Variants in KHNYN observed in about 807,000 individuals in gnomAD.
The protein encoded by KHNYN is protein KHNYN.
Under a neutral mutation model 62.7 loss-of-function variants are expected in KHNYN, and 42 were observed. The ratio of observed to expected loss-of-function variants is 0.67; its 90% CI spans 0.52 to 0.87. The LOEUF (loss-of-function observed/expected upper bound fraction) is 0.87. KHNYN is among the 40% of genes least tolerant of loss of function. KHNYN has a pLI of 0.00. For missense variants in KHNYN, 829 were observed against 874.1 expected, an observed-to-expected ratio of 0.95 and a Z score of 0.65; for synonymous variants, 347 against 345.6, an observed-to-expected ratio of 1.00 and a Z score of -0.04.
chr14:24,426,894 G>A (rs563949385), upstream of KHNYN: 24 of 152,584 alleles, frequency 1.6e-4, no homozygotes, highest in African/African-American at 5.5e-4. Context: ...AACTCAGTGA[G>A]AGAGCTGGGA....
chr14:24,437,432 C>T lies in KHNYN; in HGVS notation c.*147C>T, dbSNP rs374009447. 107 of 906,778 alleles carry T rather than the reference C, an allele frequency of 1.2e-4. No homozygotes were observed. In the East Asian group the frequency reaches 1.6e-3, roughly 13 times the overall value. 56.2% of individuals were successfully genotyped at this position (906,778 alleles called of 1,614,324 possible). A position where few individuals can be genotyped will look rare whatever the true frequency, so the allele number is the denominator to read the frequency against. On this transcript the variant is annotated 3_prime_UTR_variant, in exon 8 of 8. Coordinates refer to ENST00000553935, the MANE Select transcript of KHNYN (RefSeq NM_015299.3). The surrounding 1 kb of genome is among the most constrained non-coding windows in gnomAD (Gnocchi z 5.5). ...TCAGGGAAGCCACTTTGGGACAGGTCCATAAAGTGAACTGATCTTACCGAG... is the reference window on the plus strand; with the variant it reads ...TCAGGGAAGCCACTTTGGGACAGGTTCATAAAGTGAACTGATCTTACCGAG...
Position 24,432,145 on chromosome 14 carries a change from G to A in KHNYN, c.884G>A (p.Gly295Glu). ...CTCAGGCCACAGTCAGTGGGTGGAG[G>A]GGCAAGGGAGTCAGCACCCCTGAAA... ...VALRPQSVGG[G>E]ARESAPLKGK... is the part of the protein sequence containing the mutation. Residue 295 changes from glycine to glutamate, a missense_variant, in exon 3 of 8, where the codon GGG becomes GAG. This residue lies in a region of KHNYN where 559 missense variants were observed against 527.0 expected (regional missense o/e 1.06). Transcript: ENST00000553935. This position sits in a 1 kb window ranked among gnomAD's most constrained non-coding sequence, Gnocchi z 5.6. 5.8e-6 allele frequency: 9 copies of A among 1,554,350 alleles called. No individual in the cohort carries two copies. The highest frequency in any genetic ancestry group is 7.8e-6 in the Non-Finnish European group (9 of 1,149,106).
Position 24,432,806 on chromosome 14 carries a change from T to C in KHNYN, c.1434T>C (p.Thr478=), listed in dbSNP as rs1045093484. Residue 478 remains threonine, a synonymous_variant, in exon 4 of 8, where the codon ACT becomes ACC. Transcript: ENST00000553935. The surrounding 1 kb of genome is among the most constrained non-coding windows in gnomAD (Gnocchi z 5.6). ...YFWDRGHRDI[T]VFVPQWRFSK... ...GGGACCGTGGTCACCGTGACATAAC[T>C]GTCTTTGTGCCTCAGTGGCGCTTCA... The C allele has an allele frequency of 2.0e-5, 33 of 1,614,138 alleles. No individual in the cohort carries two copies. Among genetic ancestry groups the C allele is most frequent in the Non-Finnish European group, 2.7e-5 (32 of 1,180,050 alleles).
At chr14:24,436,959 TACGAGAGGGGTGCCCA>T in intron 7 of KHNYN, 61 bp from the exon 8 acceptor site, 1 of 1,533,132 alleles carries the variant, frequency 6.5e-7, no homozygotes. Context: ...GCAGGACAAT[TACGAGAGGGGTGCCCA>T]CTAAGATCTA....
In KHNYN at chr14:24,430,644, G is replaced by A. The variant is rs1206631903; in HGVS notation, c.-17-70G>A. 4 of 1,515,800 alleles carry A rather than the reference G, an allele frequency of 2.6e-6. No homozygotes were observed. In the African/African-American group the frequency reaches 4.1e-5, roughly 16 times the overall value. The allele number at this position is 1,515,800 out of a possible 1,614,324, so 93.9% of individuals were successfully genotyped here. A position where few individuals can be genotyped will look rare whatever the true frequency, so the allele number is the denominator to read the frequency against. ...ACTAGGTGCGACCTGTTGATAGCTGGTGTAGTCCCAGGAACCAGGATTTGG... is the reference window on the plus strand; with the variant it reads ...ACTAGGTGCGACCTGTTGATAGCTGATGTAGTCCCAGGAACCAGGATTTGG... On this transcript the variant is annotated intron_variant, in intron 1 of 7. Transcript: ENST00000553935.
chr14:24,430,157 C>G (rs1274722117), intron 1 of KHNYN, 38 bp downstream of exon 1: 43 of 982,758 alleles, frequency 4.4e-5, no homozygotes, highest in Non-Finnish European at 4.7e-5. Flanking sequence ...GAGCGGGGAG[C>G]GGGGGCCGCG....
At position 24,437,357 on chromosome 14, in the gene KHNYN, C is replaced by T; in HGVS notation, c.*72C>T. The T allele has an allele frequency of 6.5e-7, 1 of 1,536,252 alleles. No homozygotes were observed. Among genetic ancestry groups the T allele is most frequent in the Non-Finnish European group, 8.8e-7 (1 of 1,136,340 alleles). On this transcript the variant is annotated 3_prime_UTR_variant, in exon 8 of 8. Coordinates refer to ENST00000553935, the MANE Select transcript of KHNYN (RefSeq NM_015299.3). The surrounding 1 kb of genome is among the most constrained non-coding windows in gnomAD (Gnocchi z 5.5). ...CCAGCTCAGCCCTTTCTGTGAGAGT[C>T]CCTCTGCTGCTCACTCTGATCCAGA...
intron 5 of KHNYN, chr14:24,435,632 G>T: frequency 5.8e-6 from 1 of 173,428 alleles, no homozygotes; most frequent in Non-Finnish European, 1.2e-5. Context: ...GTTGGGCAGG[G>T]TGGAAGACAG....
Position 24,432,417 on chromosome 14 carries a change from G to A in KHNYN, c.1156G>A (p.Gly386Arg). 1 of 1,613,654 alleles carries A rather than the reference G, an allele frequency of 6.2e-7. No individual in the cohort carries two copies. The highest frequency in any genetic ancestry group is 8.5e-7 in the Non-Finnish European group (1 of 1,179,878). ...CGDRGDVGDR[G>R]DKQQGMARGR... ...AGACCGGGGAGACGTGGGGGACAGGGGAGACAAGCAGCAGGGCATGGCACG... is the reference window on the plus strand; with the variant it reads ...AGACCGGGGAGACGTGGGGGACAGGAGAGACAAGCAGCAGGGCATGGCACG... Residue 386 changes from glycine to arginine, a missense_variant, in exon 3 of 8, where the codon GGA (glycine) becomes AGA (arginine). Transcript: ENST00000553935. The surrounding 1 kb of genome is among the most constrained non-coding windows in gnomAD (Gnocchi z 5.6).
At position 24,430,122 on chromosome 14, in the gene KHNYN, A is replaced by AGGCGCGCCCCTCC; in HGVS notation, c.-18+4_-18+16dup. ...AGCCGGCGCGGGCGGCGGAGGCGGT[A>AGGCGCGCCCCTCC]GGCGCGCCCCTCCACCGCGCCCGGG... On this transcript the variant is annotated splice_donor_region_variant and intron_variant, in intron 1 of 7. Coordinates refer to ENST00000553935, the MANE Select transcript of KHNYN (RefSeq NM_015299.3). 1 of 984,240 alleles carries AGGCGCGCCCCTCC rather than the reference A, an allele frequency of 1.0e-6. No individual in the cohort carries two copies. Among genetic ancestry groups the AGGCGCGCCCCTCC allele is most frequent in the Non-Finnish European group, 1.2e-6 (1 of 829,386 alleles). 61.0% of individuals were successfully genotyped at this position (984,240 alleles called of 1,614,324 possible). A position where few individuals can be genotyped will look rare whatever the true frequency, so the allele number is the denominator to read the frequency against.
upstream of KHNYN, chr14:24,428,808 CATG>C: frequency 6.2e-7 from 1 of 1,611,262 alleles, no homozygotes; most frequent in Non-Finnish European, 8.5e-7. Context: ...CCTGCTGGCT[CATG>C]GTGGTGGCTT....
In KHNYN at chr14:24,430,166, C is replaced by T. The variant is rs2139375645; in HGVS notation, c.-18+47C>T. ...GCCCGGGAGCGGGGAGCGGGGGCCGCGGTGCGGAGTAGGCCCGGCCCGGGG... is the reference window on the plus strand; with the variant it reads ...GCCCGGGAGCGGGGAGCGGGGGCCGTGGTGCGGAGTAGGCCCGGCCCGGGG... On this transcript the variant is annotated intron_variant, in intron 1 of 7. Coordinates refer to ENST00000553935, the MANE Select transcript of KHNYN (RefSeq NM_015299.3). 4.1e-6 allele frequency: 4 copies of T among 981,906 alleles called. No homozygotes were observed. The East Asian group carries it at 3.4e-4, about 84-fold the overall frequency. 60.8% of individuals were successfully genotyped at this position (981,906 alleles called of 1,614,324 possible).
At position 24,439,985 on chromosome 14, in the gene KHNYN, A is replaced by G; in HGVS notation, c.*2700A>G. ...AGAGGACTGGGAGAGGAATCTAAGA[A>G]CCAGATGGCTTCAGCTCTCTAGAGG... is the stretch of plus-strand genomic sequence containing the variant. On this transcript the variant is annotated 3_prime_UTR_variant, in exon 8 of 8. Coordinates refer to ENST00000553935, the MANE Select transcript of KHNYN (RefSeq NM_015299.3). 1.0e-6 allele frequency: 1 copy of G among 986,936 alleles called. No homozygotes were observed. The highest frequency in any genetic ancestry group is 1.8e-5 in the South Asian group (1 of 54,632). The allele number at this position is 986,936 out of a possible 1,614,324, so 61.1% of individuals were successfully genotyped here.
rs1313241685 is a variant in KHNYN at position 24,430,077 on chromosome 14, C to T, written c.-60C>T. The T allele has an allele frequency of 5.1e-6, 5 of 985,340 alleles. No individual in the cohort carries two copies. The highest frequency in any genetic ancestry group is 4.8e-6 in the Non-Finnish European group (4 of 829,956). The allele number at this position is 985,340 out of a possible 1,614,324, so 61.0% of individuals were successfully genotyped here. A position where few individuals can be genotyped will look rare whatever the true frequency, so the allele number is the denominator to read the frequency against. Reference sequence around the variant, plus strand: ...GGGCGCGGGCAAAGCGGGGGCCTGGCGGGCGCTGAGAGGACCTGAAGCCGG... The same window carrying T: ...GGGCGCGGGCAAAGCGGGGGCCTGGTGGGCGCTGAGAGGACCTGAAGCCGG... On this transcript the variant is annotated 5_prime_UTR_variant, in exon 1 of 8. Coordinates refer to ENST00000553935, the MANE Select transcript of KHNYN (RefSeq NM_015299.3).
chr14:24,434,824 C>T (rs1335881091), intron 5 of KHNYN, among the ~76,000 whole-genome samples: 1 of 152,228 alleles, frequency 6.6e-6, no homozygotes, highest in African/African-American at 2.4e-5. Flanking sequence ...CAAATACTGA[C>T]TGCTCACTTA....
rs1273240352 is a variant in KHNYN at position 24,440,309 on chromosome 14, G to A, written c.*3024G>A. ...CTCAGCATTAGTGGCGGAGGATGGAGCCACTCCATTCAGGACCCCGTGCAC... is the reference window on the plus strand; with the variant it reads ...CTCAGCATTAGTGGCGGAGGATGGAACCACTCCATTCAGGACCCCGTGCAC... On this transcript the variant is annotated 3_prime_UTR_variant, in exon 8 of 8. Transcript: ENST00000553935. 2 of 1,614,030 alleles carry A rather than the reference G, an allele frequency of 1.2e-6. No individual in the cohort carries two copies. The highest frequency in any genetic ancestry group is 1.7e-6 in the Non-Finnish European group (2 of 1,179,894).
rs1041178823 is a variant in KHNYN, at chr14:24,440,494, T to C, written c.*3209T>C. The C allele has an allele frequency of 6.2e-7, 1 of 1,600,594 alleles. No homozygotes were observed. Among genetic ancestry groups the C allele is most frequent in the Non-Finnish European group, 8.5e-7 (1 of 1,173,690 alleles). On this transcript the variant is annotated 3_prime_UTR_variant, in exon 8 of 8. Transcript: ENST00000553935. ...CACCCCCACGGCCCAGCACAACCCC[T>C]AGAGCAGGAAAGAGGGAAGGTACAG...
At chr14:24,428,176 G>C (rs2043042031), upstream of KHNYN, 1 of 1,466,112 alleles carries the variant, frequency 6.8e-7, no homozygotes, top group African/African-American at 1.4e-5. Context: ...CCCTGGTCCT[G>C]GCCTCCAGGA....
upstream of KHNYN, chr14:24,428,109 G>T (rs552467240): frequency 3.1e-6 from 4 of 1,310,246 alleles, no homozygotes; most frequent in East Asian, 2.3e-5. Flanking sequence ...GCTGAGGGGC[G>T]GCCAGCATTG....
Sources: gnomAD v4.1 joint callset for allele counts (sites outside exome capture counted in the v4.1 genomes callset) on GRCh38, gnomAD v4.1.1 for gene constraint, gnomAD v4.1.1 regional missense constraint, Gnocchi (gnomAD v3.1) non-coding constraint, MANE v1.5 for transcripts, NCBI Gene and HGNC (gene_info 2026-07-23, HGNC 2026-07-21) for gene names.